USP2: variants seen among roughly 807,000 people sequenced by gnomAD.
USP2 encodes the protein ubiquitin specific peptidase 2.
Under a neutral mutation model 72.0 loss-of-function variants are expected in USP2, and 33 were observed. That is an observed-to-expected ratio of 0.46 (90% CI 0.35 to 0.61). The LOEUF (loss-of-function observed/expected upper bound fraction) is 0.61. Ranked by LOEUF, USP2 falls within the 20% of genes least tolerant of loss-of-function variation. The pLI, the probability that USP2 is intolerant of heterozygous loss-of-function variation, is 0.01. For missense variants in USP2, 691 were observed against 797.8 expected (o/e 0.87, Z 1.61); for synonymous variants, 296 against 312.5 (o/e 0.95, Z 0.56).
chr11:119,373,292 G>A lies in USP2; in HGVS notation c.189C>T (p.Pro63=). 1 of 1,613,858 alleles carries A rather than the reference G, an allele frequency of 6.2e-7. No homozygotes were observed. Among genetic ancestry groups the A allele is most frequent in the South Asian group, 1.1e-5 (1 of 91,080 alleles). The change falls in exon 2 of 13, where the codon CCC becomes CCT. Residue 63 remains proline, a synonymous_variant. Transcript: ENST00000260187. The part of the protein sequence containing the change: ...PVPTSSFLTR[P]RTYGPSSLLD... ...GGAGGGAGGAGGGGCCATAGGTACG[G>A]GGACGGGTGAGGAAGCTGCTGGTGG...
chr11:119,374,702 G>T (rs1387864256), intron 1 of USP2, among the ~76,000 whole-genome samples: 1 of 152,164 alleles, frequency 6.6e-6, no homozygotes, highest in East Asian at 1.9e-4. Context: ...TGGAGTGGCA[G>T]AGGAGCAAGT....
At chr11:119,368,054 G>A (rs946743541) in intron 2 of USP2, among the ~76,000 whole-genome samples, 5 of 152,238 alleles carry the variant, frequency 3.3e-5, no homozygotes, top group Non-Finnish European at 7.3e-5. Flanking sequence ...CTAACGGCCA[G>A]GATACAGCCC....
intron 2 of USP2, among the ~76,000 whole-genome samples, chr11:119,368,811 T>TG (rs1163896131): frequency 1.1e-4 from 17 of 152,002 alleles, no homozygotes; most frequent in African/African-American, 4.1e-4. Flanking sequence ...TGGATCTTCT[T>TG]GGGGAGAGGA....
chr11:119,357,943 C>T (rs768190292), intron 9 of USP2, 38 bp downstream of exon 9: 43 of 1,613,858 alleles, frequency 2.7e-5, no homozygotes, highest in Admixed American at 3.3e-5. Context: ...GTAGGTCCCA[C>T]GGAAATTTGT....
intron 12 of USP2, 95 bp downstream of exon 12, chr11:119,357,092 G>A (rs1303894971): frequency 1.6e-6 from 2 of 1,235,412 alleles, no homozygotes; most frequent in Non-Finnish European, 2.2e-6. Flanking sequence ...AGCCGTGCGG[G>A]GGGTGGGAGG....
intron 2 of USP2, among the ~76,000 whole-genome samples, chr11:119,365,205 G>A (rs555708722): frequency 2.0e-5 from 3 of 152,246 alleles, no homozygotes; most frequent in African/African-American, 7.2e-5. Context: ...ACTCATCTGT[G>A]GGCTCCTTCT....
In USP2 at chr11:119,373,311, C is replaced by G. The variant is rs1183696222; in HGVS notation, c.170G>C (p.Ser57Thr). 1 of 1,613,546 alleles carries G rather than the reference C, an allele frequency of 6.2e-7. No homozygotes were observed. Among genetic ancestry groups the G allele is most frequent in the East Asian group, 2.2e-5 (1 of 44,900 alleles). ...GGTACGGGGACGGGTGAGGAAGCTGCTGGTGGGGACCGGCTTGAAACCAAG... is the reference window on the plus strand; with the variant it reads ...GGTACGGGGACGGGTGAGGAAGCTGGTGGTGGGGACCGGCTTGAAACCAAG... ...EKLGFKPVPT[S>T]SFLTRPRTYG... Residue 57 changes from serine to threonine, a missense_variant, in exon 2 of 13, where the codon AGC becomes ACC. Transcript: ENST00000260187.
intron 2 of USP2, among the ~76,000 whole-genome samples, chr11:119,367,791 G>T (rs1311720315): frequency 6.6e-6 from 1 of 152,184 alleles, no homozygotes; most frequent in African/African-American, 2.4e-5. Flanking sequence ...TGAGGTGAGA[G>T]AGTACAAGGG....
Position 119,357,253 on chromosome 11 carries a change from C to G in USP2, c.1664G>C (p.Gly555Ala), listed in dbSNP as rs546615860. The G allele has an allele frequency of 2.5e-6, 4 of 1,613,648 alleles. No individual in the cohort carries two copies. The African/African-American group carries it at 5.3e-5, about 22-fold the overall frequency. ...AVSNHSGTTM[G>A]GHYTAYCRSP... ...GCGACAGTAGGCTGTATAGTGGCCACCCATGGTGGTTCCGGAGTGATTGGA... is the reference window on the plus strand; with the variant it reads ...GCGACAGTAGGCTGTATAGTGGCCAGCCATGGTGGTTCCGGAGTGATTGGA... Residue 555 changes from glycine (G) to alanine (A), a missense_variant, in exon 12 of 13, where the codon GGT (glycine) becomes GCT (alanine). Transcript: ENST00000260187.
At chr11:119,376,624 C>T (rs1466248572) in intron 1 of USP2, among the ~76,000 whole-genome samples, 2 of 152,278 alleles carry the variant, frequency 1.3e-5, no homozygotes, top group Admixed American at 1.3e-4. Context: ...CCTTCTCTGT[C>T]AGAGATTCCT....
At position 119,360,301 on chromosome 11, in the gene USP2, G is replaced by A. The variant is rs45521440; in HGVS notation, c.775-67C>T. 11,086 of 1,554,214 alleles carry A rather than the reference G, an allele frequency of 7.1e-3. 37 individuals are homozygous for A. The highest frequency in any genetic ancestry group is 8.8e-3 in the Non-Finnish European group (9,986 of 1,132,564). ...TGCTAGGCCTGTGCTGGGCTCTCTC[G>A]TGCAATTTCTAACCAGCTGGAGCCA... On this transcript the variant is annotated intron_variant, in intron 2 of 12. Coordinates refer to ENST00000260187, the MANE Select transcript of USP2 (RefSeq NM_004205.5).
intron 1 of USP2, among the ~76,000 whole-genome samples, chr11:119,378,557 G>A (rs1400215925): frequency 6.6e-6 from 1 of 152,200 alleles, no homozygotes. Flanking sequence ...TTACCCAAGA[G>A]CTGGGGGAGG....
chr11:119,372,842 G>A lies in USP2; in HGVS notation c.639C>T (p.Ser213=), dbSNP rs759117329. The part of the protein sequence containing the change: ...GRKGSASQVP[S]QAPPSRVPEI... ...CAGGGACTCGTGAGGGAGGGGCCTG[G>A]GAGGGCACCTGAGATGCACTGCCCT... is the stretch of plus-strand genomic sequence containing the variant. Residue 213 remains serine, a synonymous_variant, in exon 2 of 13, where the codon TCC becomes TCT. Transcript: ENST00000260187. 1 of 1,608,442 alleles carries A rather than the reference G, an allele frequency of 6.2e-7. No individual in the cohort carries two copies. The highest frequency in any genetic ancestry group is 1.1e-5 in the South Asian group (1 of 90,252).
intron 4 of USP2, 92 bp from the exon 5 acceptor site, chr11:119,359,434 A>G (rs949550983): frequency 5.7e-6 from 9 of 1,590,422 alleles, no homozygotes; most frequent in African/African-American, 1.3e-5. Flanking sequence ...GCAGAGAAAG[A>G]CAGACAGGAT....
At chr11:119,370,173 T>G (rs917465116) in intron 2 of USP2, among the ~76,000 whole-genome samples, 3 of 151,930 alleles carry the variant, frequency 2.0e-5, no homozygotes, top group African/African-American at 7.3e-5. Context: ...CGAGACTCCA[T>G]CTCCAAAAAA....
intron 1 of USP2, among the ~76,000 whole-genome samples, chr11:119,375,437 C>A (rs1470837193): frequency 1.3e-5 from 2 of 152,198 alleles, no homozygotes; most frequent in African/African-American, 4.8e-5. Flanking sequence ...GCCCAGGGGG[C>A]CCCTGGCCCT....
At chr11:119,378,498 G>T (rs527670550) in intron 1 of USP2, among the ~76,000 whole-genome samples, 1 of 152,288 alleles carries the variant, frequency 6.6e-6, no homozygotes, top group African/African-American at 2.4e-5. Context: ...CTGGCAGGGG[G>T]TCATCCAAGG....
rs1950635559 is a variant in USP2 at position 119,355,370 on chromosome 11, G to C, written c.*1465C>G. ...AGGGTGTCAGGCCAGTAAAACTCAG[G>C]GTGTCTTTCTCTGATGCCTCCTCCT... On this transcript the variant is annotated 3_prime_UTR_variant, in exon 13 of 13. Transcript: ENST00000260187. 1 of 152,262 alleles carries C rather than the reference G, an allele frequency of 6.6e-6. No individual in the cohort carries two copies. Among genetic ancestry groups the C allele is most frequent in the Non-Finnish European group, 1.5e-5 (1 of 68,074 alleles). 9.4% of individuals were successfully genotyped at this position (152,262 alleles called of 1,614,324 possible). A position where few individuals can be genotyped will look rare whatever the true frequency, so the allele number is the denominator to read the frequency against.
chr11:119,357,315 G>T lies in USP2; in HGVS notation c.1610-8C>A. 1 of 1,613,086 alleles carries T rather than the reference G, an allele frequency of 6.2e-7. No individual in the cohort carries two copies. The highest frequency in any genetic ancestry group is 8.5e-7 in the Non-Finnish European group (1 of 1,179,742). ...GGTTGTAAACAGCATGGTCTGAGGA[G>T]GAGGCAGCCGTCAAGCCCCCGAGGC... On this transcript the variant is annotated splice_region_variant and splice_polypyrimidine_tract_variant and intron_variant, in intron 11 of 12. Transcript: ENST00000260187.
Sources: gnomAD v4.1 joint callset for allele counts (sites outside exome capture counted in the v4.1 genomes callset) on GRCh38, gnomAD v4.1.1 for gene constraint, MANE v1.5 for transcripts, NCBI Gene and HGNC (gene_info 2026-07-23, HGNC 2026-07-21) for gene names.